The following SPARC variants were observed in gnomAD, a reference collection of about 807,000 sequenced individuals.
The protein encoded by SPARC is secreted protein acidic and cysteine rich.
In SPARC, 23 loss-of-function variants were observed where a neutral mutation model predicts 37.7. The observed-to-expected ratio is 0.61, with a 90% CI of 0.44 to 0.87. The LOEUF is 0.87. Among genes scored for constraint, SPARC ranks in the 40% least tolerant of loss-of-function variants. The probability of loss-of-function intolerance (pLI) is 0.00; values close to 1 mark genes in which losing one functional copy is unlikely to be tolerated. For synonymous variants in SPARC, 155 were observed against 150.8 expected, an observed-to-expected ratio of 1.03 and a Z score of -0.20; for missense variants, 312 against 389.0, an observed-to-expected ratio of 0.80 and a Z score of 1.66.
At chr5:151,675,250 G>A (rs1760830925) in intron 2 of SPARC, among the ~76,000 whole-genome samples, 1 of 152,094 alleles carries the variant, frequency 6.6e-6, no homozygotes, top group Admixed American at 6.6e-5. Context: ...AGATTGCCAG[G>A]GTCTGCCATC....
chr5:151,682,208 T>G (rs1761008955), intron 1 of SPARC, among the ~76,000 whole-genome samples: 1 of 152,132 alleles, frequency 6.6e-6, no homozygotes, highest in African/African-American at 2.4e-5. Flanking sequence ...AACTTAGGAC[T>G]GGAGAGCTTC....
chr5:151,670,700 G>A (rs1042304670), intron 5 of SPARC, among the ~76,000 whole-genome samples: 1 of 152,198 alleles, frequency 6.6e-6, no homozygotes, highest in African/African-American at 2.4e-5. Context: ...AAGTAGCTGT[G>A]TTAGGAGGAG....
intron 4 of SPARC, chr5:151,672,909 A>G (rs886104753): frequency 1.8e-6 from 1 of 555,502 alleles, no homozygotes. Flanking sequence ...CCTTCCTACC[A>G]CACACATGGA....
rs11542490 is a variant in SPARC, at chr5:151,663,127, C to T, written c.*444G>A. The T allele has an allele frequency of 6.1e-6, 1 of 164,926 alleles. No individual in the cohort carries two copies. Among genetic ancestry groups the T allele is most frequent in the African/African-American group, 2.4e-5 (1 of 41,634 alleles). 10.2% of individuals were successfully genotyped at this position (164,926 alleles called of 1,614,324 possible). A position where few individuals can be genotyped will look rare whatever the true frequency, so the allele number is the denominator to read the frequency against. On this transcript the variant is annotated 3_prime_UTR_variant, in exon 10 of 10. Coordinates refer to ENST00000231061, the MANE Select transcript of SPARC (RefSeq NM_003118.4). ...ACAACATCGTGTGTCTGTTACTTCCCTTTGCCCACCTCCAGGCCACCTGGG... is the reference window on the plus strand; with the variant it reads ...ACAACATCGTGTGTCTGTTACTTCCTTTTGCCCACCTCCAGGCCACCTGGG...
rs143381167 is a variant in SPARC at position 151,664,270 on chromosome 5, T to C, written c.735-35A>G. 1.5e-5 allele frequency: 24 copies of C among 1,601,284 alleles called. No homozygotes were observed. The East Asian group carries it at 3.8e-4, about 26-fold the overall frequency. Reference sequence around the variant, plus strand: ...AGGAGGCAGGGGAGGGCCTGAGGCATGGAAAAGCTCCACACCCAGCCTTGG... The same window carrying C: ...AGGAGGCAGGGGAGGGCCTGAGGCACGGAAAAGCTCCACACCCAGCCTTGG... On this transcript the variant is annotated intron_variant, in intron 8 of 9. Coordinates refer to ENST00000231061, the MANE Select transcript of SPARC (RefSeq NM_003118.4).
Position 151,674,618 on chromosome 5 carries a change from C to G in SPARC, c.114G>C (p.Val38=), listed in dbSNP as rs368994084. 1.2e-6 allele frequency: 2 copies of G among 1,614,008 alleles called. No individual in the cohort carries two copies. The highest frequency in any genetic ancestry group is 2.7e-5 in the African/African-American group (2 of 74,928). Residue 38 remains valine (V), a synonymous_variant, in exon 3 of 10, where the codon GTG becomes GTC. Coordinates refer to ENST00000231061, the MANE Select transcript of SPARC (RefSeq NM_003118.4). The stretch of plus-strand genomic sequence containing the variant: ...GCGGTCACTGCCCACATACCTCAGT[C>G]ACCTCTGCCACAGTTTCTTCCACCA... ...TEVVEETVAE[V]TEVSVGANPV...
intron 7 of SPARC, among the ~76,000 whole-genome samples, chr5:151,666,919 G>A (rs1216897451): frequency 6.6e-6 from 1 of 152,234 alleles, no homozygotes; most frequent in Non-Finnish European, 1.5e-5. Context: ...AGCTACTCAG[G>A]AGGCTGAGGC....
At chr5:151,676,669 A>C (rs945816060) in intron 1 of SPARC, among the ~76,000 whole-genome samples, 2 of 152,214 alleles carry the variant, frequency 1.3e-5, no homozygotes, top group Admixed American at 1.3e-4. Flanking sequence ...TGGGCTAACT[A>C]GTTAAGTTTG....
Position 151,673,946 on chromosome 5 carries a change from C to T in SPARC, c.120+666G>A, listed in dbSNP as rs893975372. ...AAGCCTCCACCCCTGCCAGCCACAC[C>T]CAAGCATCTCCCCTTTCCTCTGTGT... On this transcript the variant is annotated intron_variant, in intron 3 of 9. Coordinates refer to ENST00000231061, the MANE Select transcript of SPARC (RefSeq NM_003118.4). Among the ~76,000 whole-genome samples the T allele has an allele frequency of 1.1e-4, 16 of 150,076 alleles. No individual in the cohort carries two copies. In the South Asian group the frequency reaches 3.1e-3, roughly 30 times the overall value.
intron 1 of SPARC, among the ~76,000 whole-genome samples, chr5:151,678,465 C>T (rs1760912144): frequency 1.3e-5 from 2 of 152,202 alleles, no homozygotes; most frequent in African/African-American, 4.8e-5. Context: ...TCTTATAGTG[C>T]TGCTTCATAG....
In SPARC at chr5:151,673,047, C is replaced by A. The variant is rs376131288; in HGVS notation, c.208+82G>T. The A allele has an allele frequency of 1.3e-4, 119 of 929,050 alleles. No homozygotes were observed. The East Asian group carries it at 2.6e-3, about 20-fold the overall frequency. 57.6% of individuals were successfully genotyped at this position (929,050 alleles called of 1,614,324 possible). A position where few individuals can be genotyped will look rare whatever the true frequency, so the allele number is the denominator to read the frequency against. ...CACCCTGCATTTCTGCTGGAAGGAG[C>A]CTCATGTAGGCTGTCCTCGTGCCCC... On this transcript the variant is annotated intron_variant, in intron 4 of 9. Coordinates refer to ENST00000231061, the MANE Select transcript of SPARC (RefSeq NM_003118.4).
intron 4 of SPARC, chr5:151,672,907 C>T (rs947741703): frequency 3.6e-6 from 2 of 552,318 alleles, no homozygotes; most frequent in Non-Finnish European, 6.5e-6. Context: ...CTCCTTCCTA[C>T]CACACACATG....
At chr5:151,683,023 C>T (rs1425052149) in intron 1 of SPARC, among the ~76,000 whole-genome samples, 3 of 150,524 alleles carry the variant, frequency 2.0e-5, no homozygotes, top group East Asian at 3.9e-4. Context: ...TAAATAATTC[C>T]GTCAAGTCAC....
At chr5:151,683,881 G>A (rs1433734989) in intron 1 of SPARC, among the ~76,000 whole-genome samples, 1 of 152,148 alleles carries the variant, frequency 6.6e-6, no homozygotes, top group African/African-American at 2.4e-5. Flanking sequence ...GAGCCAGTGG[G>A]TGCCTGTTGA....
At position 151,673,223 on chromosome 5, in the gene SPARC, T is replaced by C. The variant is rs753468314; in HGVS notation, c.121-7A>G. On this transcript the variant is annotated splice_region_variant and splice_polypyrimidine_tract_variant and intron_variant, in intron 3 of 9. Transcript: ENST00000231061. ...GATTAGCTCCCACAGATACCTGGAA[T>C]TGAGGGAGAAGAATGGGTGAAATGG... 3.1e-6 allele frequency: 5 copies of C among 1,595,364 alleles called. No homozygotes were observed. The highest frequency in any genetic ancestry group is 2.6e-6 in the Non-Finnish European group (3 of 1,162,864).
intron 1 of SPARC, among the ~76,000 whole-genome samples, chr5:151,685,617 A>C (rs959727586): frequency 6.6e-6 from 1 of 152,176 alleles, no homozygotes. Context: ...ATGGGGCACT[A>C]AATCCAGGGG....
In SPARC at chr5:151,681,182, G is replaced by C. The variant is rs560144519; in HGVS notation, c.-13-4981C>G. 2.4e-4 allele frequency among the ~76,000 whole-genome samples: 37 copies of C among 152,376 alleles called. No individual in the cohort carries two copies. In the South Asian group the frequency reaches 7.5e-3, roughly 31 times the overall value. On this transcript the variant is annotated intron_variant, in intron 1 of 9. Coordinates refer to ENST00000231061, the MANE Select transcript of SPARC (RefSeq NM_003118.4). The stretch of plus-strand genomic sequence containing the variant: ...GGCTAATAAAGGAAGCCAAGAGCCA[G>C]GCCCTCCAGGGAGTTGGGACTCGGA...
chr5:151,686,497 A>T (rs1223388928), intron 1 of SPARC: 1 of 152,226 alleles, frequency 6.6e-6, no homozygotes, highest in Admixed American at 6.5e-5. Context: ...ATGGGATCAG[A>T]TTCCCAGGAA....
rs368789187 is a variant in SPARC, at chr5:151,685,420, T to TCACACACACACACA, written c.-14+1444_-14+1445insTGTGTGTGTGTGTG. Among the ~76,000 whole-genome samples the TCACACACACACACA allele has an allele frequency of 4.2e-4, 45 of 107,220 alleles. No individual in the cohort carries two copies. In the East Asian group the frequency reaches 0.013, roughly 31 times the overall value. The allele number at this position is 107,220 out of a possible 152,430, so 70.3% of individuals were successfully genotyped here. A position where few individuals can be genotyped will look rare whatever the true frequency, so the allele number is the denominator to read the frequency against. On this transcript the variant is annotated intron_variant, in intron 1 of 9. Coordinates refer to ENST00000231061, the MANE Select transcript of SPARC (RefSeq NM_003118.4). ...CTCTCTCTCTCTCTCTCCCTCTCTC[T>TCACACACACACACA]CTCACACACACACACACACACACAC...
Sources: gnomAD v4.1 joint callset for allele counts (sites outside exome capture counted in the v4.1 genomes callset) on GRCh38, gnomAD v4.1.1 for gene constraint, MANE v1.5 for transcripts, NCBI Gene and HGNC (gene_info 2026-07-23, HGNC 2026-07-21) for gene names.